The following ZNF91 variants were observed in gnomAD, a reference collection of about 807,000 sequenced individuals.
ZNF91 encodes the protein zinc finger protein 91.
Under a neutral mutation model 12.6 loss-of-function variants are expected in ZNF91, and 7 were observed. That is an observed-to-expected ratio of 0.55 (90% CI 0.31 to 1.04). The LOEUF (loss-of-function observed/expected upper bound fraction) is 1.04, where lower values mean the gene tolerates loss of function less well. ZNF91 is among the 50% of genes least tolerant of loss of function. ZNF91 has a pLI of 0.05. For synonymous variants in ZNF91, 453 were observed against 462.6 expected, an observed-to-expected ratio of 0.98 and a Z score of 0.27; for missense variants, 1,217 against 1,385.4, an observed-to-expected ratio of 0.88 and a Z score of 1.93.
intron 3 of ZNF91, among the ~76,000 whole-genome samples, chr19:23,364,245 T>C (rs296085): frequency 0.29 from 44,313 of 151,954 alleles, 6,784 homozygotes; most frequent in East Asian, 0.38. Flanking sequence ...GTCAGGAGTT[T>C]GAGATCAGCC....
upstream of ZNF91, among the ~76,000 whole-genome samples, chr19:23,314,465 T>C (rs1212220648): frequency 6.6e-6 from 1 of 152,096 alleles, no homozygotes; most frequent in Non-Finnish European, 1.5e-5. Flanking sequence ...TTGTGATGTA[T>C]CTCTGCGACC....
At chr19:23,329,109 CT>C (rs1388821704) in intron 1 of ZNF91, 3 of 152,142 alleles carry the variant, frequency 2.0e-5, no homozygotes, top group African/African-American at 7.2e-5. Context: ...AAATAAATGG[CT>C]TTCTCCTATT....
intron 3 of ZNF91, 82 bp downstream of exon 3, chr19:23,373,660 T>C: frequency 9.1e-7 from 1 of 1,100,780 alleles, no homozygotes; most frequent in Non-Finnish European, 1.3e-6. Flanking sequence ...GAACACAGCT[T>C]CTCAGATCAC....
downstream of ZNF91, among the ~76,000 whole-genome samples, chr19:23,356,577 A>G (rs184838156): frequency 1.5e-4 from 23 of 152,266 alleles, no homozygotes; most frequent in East Asian, 4.3e-3. Context: ...GACTTTGGGT[A>G]CTTGCGGGGA....
upstream of ZNF91, among the ~76,000 whole-genome samples, chr19:23,311,507 T>C (rs1047901829): frequency 6.6e-5 from 10 of 152,186 alleles, no homozygotes; most frequent in African/African-American, 1.4e-4. Context: ...CTAGGTAACA[T>C]GACACTCCTC....
intron 1 of ZNF91, chr19:23,324,061 C>A: frequency 6.7e-6 from 1 of 149,928 alleles, no homozygotes. Flanking sequence ...TTGTCCATCT[C>A]CTCTACTCCT....
intron 1 of ZNF91, among the ~76,000 whole-genome samples, chr19:23,383,406 G>A (rs895963446): frequency 2.0e-5 from 3 of 152,162 alleles, no homozygotes; most frequent in South Asian, 2.1e-4. Flanking sequence ...ACCTGGAAGC[G>A]GATGGGTACA....
At chr19:23,345,267 T>C (rs995974546) in intron 3 of ZNF91, among the ~76,000 whole-genome samples, 4 of 152,094 alleles carry the variant, frequency 2.6e-5, no homozygotes, top group Non-Finnish European at 5.9e-5. Context: ...AATCTCAAGT[T>C]TTCCATTCCA....
intron 3 of ZNF91, among the ~76,000 whole-genome samples, chr19:23,365,121 AG>A (rs1968950489): frequency 6.6e-6 from 1 of 152,114 alleles, no homozygotes; most frequent in South Asian, 2.1e-4. Context: ...AAAATAATAC[AG>A]AGATTACTTG....
chr19:23,393,826 C>G (rs1011755981), intron 1 of ZNF91, among the ~76,000 whole-genome samples: 1 of 152,038 alleles, frequency 6.6e-6, no homozygotes, highest in Non-Finnish European at 1.5e-5. Flanking sequence ...ATAGTGAAAC[C>G]CTGTCTGTAC....
intron 1 of ZNF91, chr19:23,328,900 A>T (rs1335104372): frequency 3.3e-5 from 5 of 152,220 alleles, no homozygotes; most frequent in Admixed American, 3.3e-4. Flanking sequence ...ATGCTGGATT[A>T]AGCAATGTAT....
chr19:23,323,809 ACTC>A (rs774273334), intron 1 of ZNF91, among the ~76,000 whole-genome samples: 48 of 112,300 alleles, frequency 4.3e-4, no homozygotes, highest in Middle Eastern at 7.7e-3. Context: ...CTCTTTTTCT[ACTC>A]CTCCTACTTT....
chr19:23,341,602 A>T (rs1409682832), intron 3 of ZNF91, among the ~76,000 whole-genome samples: 1 of 152,216 alleles, frequency 6.6e-6, no homozygotes, highest in African/African-American at 2.4e-5. Context: ...ACAAATATAT[A>T]CAAATGACCA....
At chr19:23,380,216 G>A (rs1969653740) in intron 1 of ZNF91, 4 of 132,552 alleles carry the variant, frequency 3.0e-5, no homozygotes, top group Non-Finnish European at 4.6e-5. Context: ...CCGAGATTGC[G>A]AGATTGCACC....
At chr19:23,377,159 C>T (rs1425122213) in intron 1 of ZNF91, among the ~76,000 whole-genome samples, 7 of 152,178 alleles carry the variant, frequency 4.6e-5, no homozygotes, top group Non-Finnish European at 8.8e-5. Flanking sequence ...ATTGGCCACA[C>T]TGTCCTGTCC....
Position 23,386,881 on chromosome 19 carries a change from T to TA in ZNF91, c.30+8443dup, listed in dbSNP as rs1221028572. On this transcript the variant is annotated intron_variant, in intron 1 of 3. Coordinates refer to ENST00000300619, the MANE Select transcript of ZNF91 (RefSeq NM_003430.4). ...CACAGTAAACAGACAACCTACGGAA[T>TA]AATAGAAAATATTTGCAAACTATGC... Among the ~76,000 whole-genome samples the TA allele has an allele frequency of 9.9e-5, 15 of 152,260 alleles. No individual in the cohort carries two copies. The East Asian group carries it at 2.9e-3, about 29-fold the overall frequency.
At chr19:23,386,845 G>T (rs1969889908) in intron 1 of ZNF91, among the ~76,000 whole-genome samples, 1 of 152,036 alleles carries the variant, frequency 6.6e-6, no homozygotes, top group African/African-American at 2.4e-5. Flanking sequence ...CAAAGAAAAG[G>T]AAACTATCAA....
chr19:23,363,022 A>G (rs1968875258), intron 3 of ZNF91, among the ~76,000 whole-genome samples: 1 of 152,238 alleles, frequency 6.6e-6, no homozygotes. Flanking sequence ...ATATATATGT[A>G]ACAAAAACAT....
At chr19:23,383,380 A>G (rs572123854) in intron 1 of ZNF91, among the ~76,000 whole-genome samples, 2 of 152,308 alleles carry the variant, frequency 1.3e-5, no homozygotes, top group African/African-American at 4.8e-5. Flanking sequence ...CAGCCCCAAT[A>G]TACTGAATAA....
Sources: gnomAD v4.1 joint callset for allele counts (sites outside exome capture counted in the v4.1 genomes callset) on GRCh38, gnomAD v4.1.1 for gene constraint, MANE v1.5 for transcripts, NCBI Gene and HGNC (gene_info 2026-07-23, HGNC 2026-07-21) for gene names.